The following SNAP91 variants were observed in gnomAD, a reference collection of about 807,000 sequenced individuals.
The protein encoded by SNAP91 is clathrin coat assembly protein AP180.
In SNAP91, 27 loss-of-function variants were observed where a neutral mutation model predicts 100.3. That is an observed-to-expected ratio of 0.27 (90% CI 0.20 to 0.37). The LOEUF is 0.37. SNAP91 is among the 10% of genes least tolerant of loss of function. The pLI is 1.00. For synonymous variants in SNAP91, 404 were observed against 398.6 expected, an observed-to-expected ratio of 1.01 and a Z score of -0.16; for missense variants, 986 against 1,123.7, an observed-to-expected ratio of 0.88 and a Z score of 1.75.
intron 18 of SNAP91, 106 bp downstream of exon 18, chr6:83,593,372 G>A: frequency 6.6e-7 from 1 of 1,515,918 alleles, no homozygotes; most frequent in Non-Finnish European, 8.9e-7. Context: ...GCAGCAAATG[G>A]TTTCTAGAGA....
chr6:83,656,662 C>T, intron 7 of SNAP91, 92 bp downstream of exon 7: 3 of 492,552 alleles, frequency 6.1e-6, no homozygotes, highest in East Asian at 3.5e-5. Flanking sequence ...ACAATATTGC[C>T]CACCAAGTGA....
At chr6:83,619,058 T>C (rs2096609520) in intron 9 of SNAP91, among the ~76,000 whole-genome samples, 1 of 151,972 alleles carries the variant, frequency 6.6e-6, no homozygotes, top group African/African-American at 2.4e-5. Flanking sequence ...CCCATTTTAT[T>C]CGTTTTGTAA....
chr6:83,636,988 T>C (rs2097483072), intron 8 of SNAP91, among the ~76,000 whole-genome samples: 1 of 152,334 alleles, frequency 6.6e-6, no homozygotes. Context: ...TCAGAGGTGT[T>C]GCACGGTGAA....
intron 22 of SNAP91, among the ~76,000 whole-genome samples, chr6:83,588,470 T>C (rs1334959664): frequency 2.0e-5 from 3 of 152,216 alleles, no homozygotes; most frequent in African/African-American, 2.4e-5. Context: ...GATTTCAGAA[T>C]AGACAACACA....
rs57973386 is a variant in SNAP91, at chr6:83,683,487, CCT to C, written c.131-17908_131-17907del. 3.1e-3 allele frequency among the ~76,000 whole-genome samples: 468 copies of C among 152,230 alleles called. 2 individuals are homozygous for C. Among genetic ancestry groups the C allele is most frequent in the African/African-American group, 0.011 (440 of 41,542 alleles). On this transcript the variant is annotated intron_variant, in intron 2 of 29. Transcript: ENST00000369694. The stretch of plus-strand genomic sequence containing the variant: ...TGTTAAAAAGAGCCTGGCATCTCCT[CCT>C]CTCTCTTGCTCCCTCTCTTGCCATG...
intron 2 of SNAP91, among the ~76,000 whole-genome samples, chr6:83,669,661 G>A (rs948326530): frequency 5.3e-5 from 8 of 151,844 alleles, no homozygotes; most frequent in African/African-American, 1.7e-4. Context: ...TTCTCCTGCT[G>A]TCCCTTAGCA....
intron 8 of SNAP91, among the ~76,000 whole-genome samples, chr6:83,630,753 T>C (rs1368734385): frequency 6.8e-6 from 1 of 146,502 alleles, no homozygotes; most frequent in Admixed American, 6.9e-5. Context: ...TTAGTCTTGC[T>C]AATGGTCTAT....
intron 2 of SNAP91, among the ~76,000 whole-genome samples, chr6:83,673,655 A>T (rs1036604075): frequency 3.3e-5 from 5 of 152,234 alleles, no homozygotes; most frequent in African/African-American, 1.2e-4. Context: ...AGTGATACAG[A>T]TGATTCAGAC....
chr6:83,574,294 C>T lies in SNAP91; in HGVS notation c.2442+716G>A, dbSNP rs558328328. Among the ~76,000 whole-genome samples, 5 of 152,242 alleles carry T rather than the reference C, an allele frequency of 3.3e-5. No homozygotes were observed. The South Asian group carries it at 1.0e-3, about 32-fold the overall frequency. ...TATACAGTTTGCTACTCTGAAAACA[C>T]GTTCTTTTTGTGTCAGCAAATTTCA... On this transcript the variant is annotated intron_variant, in intron 26 of 29. Transcript: ENST00000369694.
chr6:83,605,743 T>A lies in SNAP91; in HGVS notation c.1083A>T (p.Ala361=). The change falls in exon 14 of 30, where the codon GCA becomes GCT. Residue 361 remains alanine (A), a synonymous_variant. Coordinates refer to ENST00000369694, the MANE Select transcript of SNAP91 (RefSeq NM_001242792.2). ...GTGGTGCTGGTGCTGCGGCTGCTGCTGCCCCTCCAGAGGAAAAGTCTGGCT... is the reference window on the plus strand; with the variant it reads ...GTGGTGCTGGTGCTGCGGCTGCTGCAGCCCCTCCAGAGGAAAAGTCTGGCT... ...DLQPDFSSGG[A]AAAAAPAPPP... 6.4e-7 allele frequency: 1 copy of A among 1,553,328 alleles called. No individual in the cohort carries two copies. The highest frequency in any genetic ancestry group is 8.7e-7 in the Non-Finnish European group (1 of 1,147,918).
At position 83,616,866 on chromosome 6, in the gene SNAP91, C is replaced by G. The variant is rs139263411; in HGVS notation, c.878+103G>C. 1.5e-4 allele frequency: 114 copies of G among 747,996 alleles called. No individual in the cohort carries two copies. In the African/African-American group the frequency reaches 1.8e-3, roughly 12 times the overall value. 46.3% of individuals were successfully genotyped at this position (747,996 alleles called of 1,614,324 possible). Reference sequence around the variant, plus strand: ...GCCCAGAAAATTATAACAAAGCATACCCTAAAACTAGAGCAATATAAGTTG... The same window carrying G: ...GCCCAGAAAATTATAACAAAGCATAGCCTAAAACTAGAGCAATATAAGTTG... On this transcript the variant is annotated intron_variant, in intron 10 of 29. Coordinates refer to ENST00000369694, the MANE Select transcript of SNAP91 (RefSeq NM_001242792.2).
At chr6:83,678,937 T>C (rs1037757677) in intron 2 of SNAP91, 1 of 1,065,408 alleles carries the variant, frequency 9.4e-7, no homozygotes. Flanking sequence ...AGAAATAATA[T>C]CTAAGTGAAA....
At chr6:83,666,531 T>C (rs1015579889) in intron 2 of SNAP91, among the ~76,000 whole-genome samples, 5 of 152,120 alleles carry the variant, frequency 3.3e-5, no homozygotes, top group Admixed American at 6.6e-5. Context: ...GCAACAAACA[T>C]GCACATGTAT....
intron 8 of SNAP91, among the ~76,000 whole-genome samples, chr6:83,627,575 A>T (rs1256495875): frequency 6.6e-6 from 1 of 151,966 alleles, no homozygotes; most frequent in Non-Finnish European, 1.5e-5. Context: ...CTGGTCCAAT[A>T]TTGAAAGGTT....
intron 7 of SNAP91, among the ~76,000 whole-genome samples, chr6:83,647,637 T>C (rs1166678912): frequency 6.6e-6 from 1 of 152,174 alleles, no homozygotes; most frequent in Non-Finnish European, 1.5e-5. Flanking sequence ...TATTGGTCTG[T>C]AATTTCCTTT....
intron 2 of SNAP91, among the ~76,000 whole-genome samples, chr6:83,700,643 C>T (rs1588145520): frequency 6.6e-6 from 1 of 151,928 alleles, no homozygotes; most frequent in Non-Finnish European, 1.5e-5. Flanking sequence ...TTGTTTTAGA[C>T]AGGGTCTTGC....
chr6:83,708,821 C>A (rs997112232), intron 1 of SNAP91, 24 bp downstream of exon 1: 1 of 152,058 alleles, frequency 6.6e-6, no homozygotes, highest in African/African-American at 2.4e-5. Flanking sequence ...GGGGAGGGGG[C>A]CGAGTACGGC....
At chr6:83,639,260 A>C (rs1296166454) in intron 8 of SNAP91, among the ~76,000 whole-genome samples, 1 of 152,180 alleles carries the variant, frequency 6.6e-6, no homozygotes, top group Non-Finnish European at 1.5e-5. Flanking sequence ...TACAGTAGAG[A>C]GAGATTTGTA....
At chr6:83,611,204 T>TCC (rs138530583) in intron 11 of SNAP91, among the ~76,000 whole-genome samples, 2 of 150,924 alleles carry the variant, frequency 1.3e-5, no homozygotes, top group African/African-American at 2.4e-5. Context: ...AAGTCTGTTT[T>TCC]CCCCCCCCAT....
Sources: gnomAD v4.1 joint callset for allele counts (sites outside exome capture counted in the v4.1 genomes callset) on GRCh38, gnomAD v4.1.1 for gene constraint, MANE v1.5 for transcripts, NCBI Gene and HGNC (gene_info 2026-07-23, HGNC 2026-07-21) for gene names.